Variants in RBFOX3 observed in about 807,000 individuals in gnomAD.
The protein encoded by RBFOX3 is RNA binding protein fox-1 homolog 3.
RBFOX3 carries 17 observed loss-of-function variants against 48.7 expected under a neutral mutation model. The observed-to-expected ratio is 0.35, with a 90% CI of 0.24 to 0.52. RBFOX3 has a LOEUF of 0.52. Among genes scored for constraint, RBFOX3 ranks in the 20% least tolerant of loss-of-function variants. RBFOX3 has a pLI of 0.94. For missense variants in RBFOX3, 382 were observed against 497.5 expected (o/e 0.77, Z 2.21); for synonymous variants, 212 against 209.5 (o/e 1.01, Z -0.10).
chr17:79,312,571 GGGCT>G (rs2077003551), intron 2 of RBFOX3, among the ~76,000 whole-genome samples: 1 of 152,128 alleles, frequency 6.6e-6, no homozygotes. Context: ...GCAGGTGGTG[GGGCT>G]GGCTGTCAGG....
intron 1 of RBFOX3, among the ~76,000 whole-genome samples, chr17:79,558,564 A>G (rs1362660457): frequency 6.6e-6 from 1 of 152,104 alleles, no homozygotes; most frequent in Non-Finnish European, 1.5e-5. Flanking sequence ...CAGCCCTCCA[A>G]GGTGGCTTCG....
chr17:79,525,443 GC>G (rs1330386599), intron 1 of RBFOX3, among the ~76,000 whole-genome samples: 1 of 152,160 alleles, frequency 6.6e-6, no homozygotes. Flanking sequence ...AGGTGAGTTT[GC>G]CAAAAAGTGA....
chr17:79,593,084 G>T (rs2093469141), intron 1 of RBFOX3, among the ~76,000 whole-genome samples: 1 of 152,174 alleles, frequency 6.6e-6, no homozygotes, highest in African/African-American at 2.4e-5. Context: ...GGGGACAGAA[G>T]TGGGTGGCAG....
chr17:79,444,656 T>G (rs949689749), intron 2 of RBFOX3, among the ~76,000 whole-genome samples: 5 of 152,032 alleles, frequency 3.3e-5, no homozygotes, highest in Admixed American at 2.6e-4. Context: ...GGACTGGCCT[T>G]TCACAAGCCC....
intron 2 of RBFOX3, among the ~76,000 whole-genome samples, chr17:79,333,513 T>G (rs1287850555): frequency 4.6e-5 from 7 of 152,156 alleles, no homozygotes; most frequent in Non-Finnish European, 8.8e-5. Flanking sequence ...AATCATTGCT[T>G]CAGAGGCTGC....
At position 79,189,960 on chromosome 17, in the gene RBFOX3, G is replaced by A. The variant is rs555109841; in HGVS notation, c.-34+45806C>T. ...CTTTGCTCCTGCCAGGGCAGGGATC[G>A]CACCAGCCAAGGAAAACCCATATCA... is the stretch of plus-strand genomic sequence containing the variant. On this transcript the variant is annotated intron_variant, in intron 4 of 14. Transcript: ENST00000693108. Among the ~76,000 whole-genome samples the A allele has an allele frequency of 7.2e-5, 11 of 152,324 alleles. No homozygotes were observed. In the South Asian group the frequency reaches 1.7e-3, roughly 23 times the overall value.
intron 3 of RBFOX3, among the ~76,000 whole-genome samples, chr17:79,239,672 T>C (rs1483132151): frequency 2.0e-5 from 3 of 152,232 alleles, no homozygotes; most frequent in Non-Finnish European, 4.4e-5. Context: ...CTGGTCTGCT[T>C]TCCCACTAGA....
At chr17:79,144,456 C>T in intron 4 of RBFOX3, among the ~76,000 whole-genome samples, 1 of 152,204 alleles carries the variant, frequency 6.6e-6, no homozygotes, top group South Asian at 2.1e-4. Flanking sequence ...AGGCCTCACT[C>T]AGAAGCTCTT....
At position 79,199,874 on chromosome 17, in the gene RBFOX3, A is replaced by G. The variant is rs1234518401; in HGVS notation, c.-34+35892T>C. Among the ~76,000 whole-genome samples the G allele has an allele frequency of 6.6e-6, 1 of 152,110 alleles. No homozygotes were observed. Among genetic ancestry groups the G allele is most frequent in the African/African-American group, 2.4e-5 (1 of 41,416 alleles). The stretch of plus-strand genomic sequence containing the variant: ...GTTTCCTTATCTATAAAATGGGGAG[A>G]AAAGGGCCGGACGTGGTGGCTCACG... On this transcript the variant is annotated intron_variant, in intron 4 of 14. Transcript: ENST00000693108. The surrounding 1 kb of genome is among the most constrained non-coding windows in gnomAD (Gnocchi z 5.1).
intron 4 of RBFOX3, among the ~76,000 whole-genome samples, chr17:79,225,381 C>T (rs2060199109): frequency 6.6e-6 from 1 of 151,588 alleles, no homozygotes; most frequent in Admixed American, 6.6e-5. Flanking sequence ...ACCTCCACCT[C>T]CCGGGTTCAA....
At chr17:79,508,389 C>T (rs1019681462) in intron 1 of RBFOX3, among the ~76,000 whole-genome samples, 42 of 152,168 alleles carry the variant, frequency 2.8e-4, no homozygotes, top group African/African-American at 4.8e-5. Flanking sequence ...CAGCCCAGCC[C>T]GACCTCCTCC....
At chr17:79,616,494 C>G in the RBFOX3 span, among the ~76,000 whole-genome samples, 1 of 151,530 alleles carries the variant, frequency 6.6e-6, no homozygotes, top group African/African-American at 2.4e-5. Flanking sequence ...CAAGATCACA[C>G]CACTGCACTC....
intron 4 of RBFOX3, among the ~76,000 whole-genome samples, chr17:79,116,719 A>ACTCTCAAAGATCTGTCTGTGCC (rs2034096265): frequency 1.3e-5 from 2 of 152,098 alleles, no homozygotes; most frequent in Admixed American, 1.3e-4. Flanking sequence ...TCTCTGAGGA[A>ACTCTCAAAGATCTGTCTGTGCC]CTCTCAAAGA....
chr17:79,543,494 G>A (rs2090000386), intron 1 of RBFOX3, among the ~76,000 whole-genome samples: 2 of 152,026 alleles, frequency 1.3e-5, no homozygotes, highest in South Asian at 2.1e-4. Context: ...ACACCCCTAC[G>A]TCTCTCGTGG....
At chr17:79,287,817 C>G (rs73411814) in intron 3 of RBFOX3, among the ~76,000 whole-genome samples, 25 of 152,156 alleles carry the variant, frequency 1.6e-4, no homozygotes, top group Non-Finnish European at 3.1e-4. Flanking sequence ...CTGTGCTGAC[C>G]GCCTGGCCTC....
At chr17:79,262,993 C>G (rs146954135) in intron 3 of RBFOX3, among the ~76,000 whole-genome samples, 1 of 152,356 alleles carries the variant, frequency 6.6e-6, no homozygotes, top group Non-Finnish European at 1.5e-5. Context: ...CTGGTAAGGC[C>G]TCAGCTGCCT....
intron 2 of RBFOX3, among the ~76,000 whole-genome samples, chr17:79,417,703 C>T (rs1445022035): frequency 2.0e-5 from 3 of 152,244 alleles, no homozygotes; most frequent in Non-Finnish European, 4.4e-5. Context: ...GCCATATGGT[C>T]AGCAACCCTG....
At chr17:79,356,896 TC>T (rs2085252662) in intron 2 of RBFOX3, among the ~76,000 whole-genome samples, 1 of 152,080 alleles carries the variant, frequency 6.6e-6, no homozygotes, top group Admixed American at 6.5e-5. Flanking sequence ...TGCAACTCCG[TC>T]CCCCTCAGCC....
At chr17:79,294,214 A>C (rs1236159248) in intron 3 of RBFOX3, among the ~76,000 whole-genome samples, 3 of 152,242 alleles carry the variant, frequency 2.0e-5, no homozygotes, top group Non-Finnish European at 4.4e-5. Context: ...CCCTCAGCAG[A>C]ATCCTGGACT....
Sources: gnomAD v4.1 joint callset for allele counts (sites outside exome capture counted in the v4.1 genomes callset) on GRCh38, gnomAD v4.1.1 for gene constraint, Gnocchi (gnomAD v3.1) non-coding constraint, MANE v1.5 for transcripts, NCBI Gene and HGNC (gene_info 2026-07-23, HGNC 2026-07-21) for gene names.